Variants in CLK1 observed in about 807,000 individuals in gnomAD.
CLK1 encodes the protein CDC like kinase 1, also known as dual specificity protein kinase CLK1.
In CLK1, 40 loss-of-function variants were observed where a neutral mutation model predicts 60.9. The ratio of observed to expected loss-of-function variants is 0.66; its 90% CI spans 0.51 to 0.86. The LOEUF is 0.86. Ranked by LOEUF, CLK1 falls within the 40% of genes least tolerant of loss-of-function variation. CLK1 has a pLI of 0.00. For missense variants in CLK1, 563 were observed against 606.1 expected (o/e 0.93, Z 0.75); for synonymous variants, 203 against 184.4 (o/e 1.10, Z -0.82).
chr2:200,860,947 C>G (rs538709303), intron 3 of CLK1: 13 of 1,151,454 alleles, frequency 1.1e-5, no homozygotes, highest in Admixed American at 4.5e-5. Context: ...CACAAAAAAC[C>G]CTTTTAGAAT....
Position 200,853,948 on chromosome 2 carries a change from G to T in CLK1, c.1266C>A (p.His422Gln). ...TTGAAACATATCTGCCGGCAGAACT[G>T]TGTTCATCCCAGTCTAATCGATCGT... is the stretch of plus-strand genomic sequence containing the variant. The part of the protein sequence containing the change: ...FHHDRLDWDE[H>Q]SSAGRYVSRR... The change falls in exon 12 of 13, where the codon CAC becomes CAA. Residue 422 changes from histidine to glutamine, a missense_variant. Transcript: ENST00000321356. 6.2e-7 allele frequency: 1 copy of T among 1,612,468 alleles called. No individual in the cohort carries two copies. The highest frequency in any genetic ancestry group is 2.2e-5 in the East Asian group (1 of 44,688).
chr2:200,857,596 A>T (rs774453008), intron 7 of CLK1, 122 bp downstream of exon 7: 7 of 781,612 alleles, frequency 9.0e-6, no homozygotes, highest in Non-Finnish European at 1.4e-5. Context: ...AAATCTCTTC[A>T]TACCTATTCT....
intron 9 of CLK1, among the ~76,000 whole-genome samples, chr2:200,856,345 C>A (rs1421936778): frequency 6.6e-6 from 1 of 151,958 alleles, no homozygotes; most frequent in Non-Finnish European, 1.5e-5. Context: ...GCTGGGATTA[C>A]AGATGTGAGC....
chr2:200,863,993 TTTTG>T, intron 1 of CLK1: 1 of 1,263,180 alleles, frequency 7.9e-7, no homozygotes, highest in Non-Finnish European at 1.0e-6. Context: ...TAAATCTGGT[TTTTG>T]TTAACACCAC....
Position 200,854,996 on chromosome 2 carries a change from T to C in CLK1, c.1140+8A>G, listed in dbSNP as rs763159000. ...AAAGCAAGGTTGAAATAGATCATTG[T>C]CACTTACTGGAAATACGGTAAACCC... On this transcript the variant is annotated splice_region_variant and intron_variant, in intron 10 of 12. Coordinates refer to ENST00000321356, the MANE Select transcript of CLK1 (RefSeq NM_004071.4). The C allele has an allele frequency of 2.5e-6, 4 of 1,597,314 alleles. No individual in the cohort carries two copies. The South Asian group carries it at 4.6e-5, about 18-fold the overall frequency.
intron 5 of CLK1, 96 bp from the exon 6 acceptor site, chr2:200,858,185 G>A (rs184654959): frequency 2.4e-6 from 2 of 838,500 alleles, no homozygotes; most frequent in Middle Eastern, 3.3e-4. Context: ...CTGACCCACT[G>A]TATTTTTTTA....
At chr2:200,863,855 A>G (rs2039184460) in intron 1 of CLK1, among the ~76,000 whole-genome samples, 1 of 152,176 alleles carries the variant, frequency 6.6e-6, no homozygotes, top group East Asian at 1.9e-4. Context: ...CTCCAAGAAA[A>G]GAAAAAAGCT....
At chr2:200,858,952 G>A (rs2039090668) in intron 5 of CLK1, among the ~76,000 whole-genome samples, 1 of 151,582 alleles carries the variant, frequency 6.6e-6, no homozygotes, top group Non-Finnish European at 1.5e-5. Flanking sequence ...AGGTGGGCAG[G>A]TCACCTGAGG....
At chr2:200,864,277 C>T (rs1026343699) in intron 1 of CLK1, 1 of 1,491,948 alleles carries the variant, frequency 6.7e-7, no homozygotes, top group Non-Finnish European at 8.9e-7. Context: ...CCGACCGTCC[C>T]GCGTCAGGCG....
chr2:200,858,655 C>T (rs2039083114), intron 5 of CLK1, among the ~76,000 whole-genome samples: 2 of 152,104 alleles, frequency 1.3e-5, no homozygotes, highest in East Asian at 1.9e-4. Flanking sequence ...CAAGATTGCA[C>T]CACTGCACTC....
intron 12 of CLK1, 96 bp downstream of exon 12, chr2:200,853,807 T>C (rs747894258): frequency 1.2e-6 from 1 of 848,956 alleles, no homozygotes; most frequent in Non-Finnish European, 1.8e-6. Flanking sequence ...ATCGTGCCAC[T>C]CTACTCCAGC....
At chr2:200,854,952 A>G in intron 10 of CLK1, 52 bp downstream of exon 10, 1 of 1,378,856 alleles carries the variant, frequency 7.3e-7, no homozygotes. Context: ...ATTCATATAA[A>G]CAGGCACCTT....
chr2:200,863,143 CTTTT>C (rs79569959), intron 1 of CLK1: 2 of 149,468 alleles, frequency 1.3e-5, no homozygotes, highest in Non-Finnish European at 3.0e-5. Context: ...CGCTACAATT[CTTTT>C]TTTTTTAACG....
rs141988261 is a variant in CLK1, at chr2:200,859,984, T to TC, written c.481+140dup. 136 of 1,391,898 alleles carry TC rather than the reference T, an allele frequency of 9.8e-5. No individual in the cohort carries two copies. The African/African-American group carries it at 1.2e-3, about 12-fold the overall frequency. The allele number at this position is 1,391,898 out of a possible 1,614,324, so 86.2% of individuals were successfully genotyped here. A position where few individuals can be genotyped will look rare whatever the true frequency, so the allele number is the denominator to read the frequency against. ...ATTTCTAAAGAAAGCAAAAATACAA[T>TC]CCCCCCCACCAAAAGAAATGGAAAA... On this transcript the variant is annotated intron_variant, in intron 4 of 12. Transcript: ENST00000321356.
chr2:200,855,341 G>A (rs191076907), intron 9 of CLK1, among the ~76,000 whole-genome samples: 20 of 152,230 alleles, frequency 1.3e-4, no homozygotes, highest in African/African-American at 4.8e-4. Context: ...GAATTGGCCG[G>A]GCACAGTGGC....
At position 200,856,892 on chromosome 2, in the gene CLK1, A is replaced by G; in HGVS notation, c.926T>C (p.Ile309Thr). 6.2e-7 allele frequency: 1 copy of G among 1,614,098 alleles called. No homozygotes were observed. The highest frequency in any genetic ancestry group is 8.5e-7 in the Non-Finnish European group (1 of 1,179,926). The stretch of plus-strand genomic sequence containing the variant: ...TTATGAATATTTTGGAAGACTTACT[A>G]TTTTGGGATTATACGCCTCTGTGTA... ...SDYTEAYNPK[I>T]KRDERTLINP... The change falls in exon 8 of 13, where the codon ATA becomes ACA. Residue 309 changes from isoleucine to threonine, a missense_variant and splice_region_variant. Physicochemically the swap from Ile to Thr is moderately conservative, Grantham distance 89. Coordinates refer to ENST00000321356, the MANE Select transcript of CLK1 (RefSeq NM_004071.4).
chr2:200,861,431 T>A lies in CLK1; in HGVS notation c.197A>T (p.Asp66Val). The change falls in exon 3 of 13, where the codon GAT becomes GTT. Residue 66 changes from aspartate to valine, a missense_variant. Coordinates refer to ENST00000321356, the MANE Select transcript of CLK1 (RefSeq NM_004071.4). ...ATCAATGTAGCGTCGACTATGATAA[T>A]CTTTCTCATTTATAGACCTGCTTTC... ...YLESRSINEK[D>V]YHSRRYIDEY... 3.7e-6 allele frequency: 6 copies of A among 1,613,986 alleles called. No homozygotes were observed. The highest frequency in any genetic ancestry group is 2.2e-5 in the South Asian group (2 of 91,012).
At chr2:200,860,410 A>G in intron 3 of CLK1, 195 bp from the exon 4 acceptor site, 5 of 1,307,582 alleles carry the variant, frequency 3.8e-6, no homozygotes, top group Non-Finnish European at 4.9e-6. Context: ...TTATGTTAAC[A>G]GGAGAAAAAC....
Position 200,860,197 on chromosome 2 carries a change from T to C in CLK1, c.409A>G (p.Arg137Gly), listed in dbSNP as rs1218403196. The C allele has an allele frequency of 6.2e-7, 1 of 1,614,108 alleles. No homozygotes were observed. Among genetic ancestry groups the C allele is most frequent in the Non-Finnish European group, 8.5e-7 (1 of 1,179,988 alleles). ...RSHGKSHRRKRTRSVEDDEEG... is the reference protein window; with the variant it reads ...RSHGKSHRRKGTRSVEDDEEG... Reference sequence around the variant, plus strand: ...TCATCATCCTCTACACTCCTGGTTCTTTTCCTTCGGTGACTCTTCTGGAAA... The same window carrying C: ...TCATCATCCTCTACACTCCTGGTTCCTTTCCTTCGGTGACTCTTCTGGAAA... Residue 137 changes from arginine to glycine, a missense_variant, in exon 4 of 13, where the codon AGA (arginine) becomes GGA (glycine). Coordinates refer to ENST00000321356, the MANE Select transcript of CLK1 (RefSeq NM_004071.4).
Sources: allele counts gnomAD v4.1 joint callset (sites outside exome capture counted in the v4.1 genomes callset), GRCh38; gene constraint gnomAD v4.1.1; transcripts MANE v1.5; gene names NCBI Gene and HGNC (gene_info 2026-07-23, HGNC 2026-07-21).